Variants in GALNT18 observed in about 807,000 individuals in gnomAD.
GALNT18 encodes the protein polypeptide N-acetylgalactosaminyltransferase 18.
A neutral mutation model predicts 69.5 loss-of-function variants in GALNT18; 44 were observed. The ratio of observed to expected loss-of-function variants is 0.63; its 90% CI spans 0.50 to 0.81. The LOEUF is 0.81. Among genes scored for constraint, GALNT18 ranks in the 40% least tolerant of loss-of-function variants. The probability of loss-of-function intolerance (pLI) is 0.00; values close to 1 mark genes in which losing one functional copy is unlikely to be tolerated. For synonymous variants in GALNT18, 364 were observed against 318.2 expected (o/e 1.14, Z -1.53); for missense variants, 715 against 810.0 (o/e 0.88, Z 1.42).
At chr11:11,353,413 T>C (rs1003416293) in intron 6 of GALNT18, 2 of 523,670 alleles carry the variant, frequency 3.8e-6, no homozygotes, top group Non-Finnish European at 6.8e-6. Context: ...GAGCCCTTTT[T>C]GGGGGTTAAG....
At chr11:11,473,201 A>G (rs980800513) in intron 1 of GALNT18, among the ~76,000 whole-genome samples, 3 of 152,202 alleles carry the variant, frequency 2.0e-5, no homozygotes, top group African/African-American at 7.2e-5. Flanking sequence ...AAGTAAAATT[A>G]AATAGAATTC....
Position 11,538,846 on chromosome 11 carries a change from C to A in GALNT18, c.235+82513G>T, listed in dbSNP as rs1192093646. On this transcript the variant is annotated intron_variant, in intron 1 of 10. Coordinates refer to ENST00000227756, the MANE Select transcript of GALNT18 (RefSeq NM_198516.3). This position sits in a 1 kb window ranked among gnomAD's most constrained non-coding sequence, Gnocchi z 5.2. ...CCTTTAACTTCATGGCTGTGGTTCCCATCTGCACAGCACTGCCTGGCCTCC... is the reference window on the plus strand; with the variant it reads ...CCTTTAACTTCATGGCTGTGGTTCCAATCTGCACAGCACTGCCTGGCCTCC... Among the ~76,000 whole-genome samples, 2 of 152,150 alleles carry A rather than the reference C, an allele frequency of 1.3e-5. No individual in the cohort carries two copies. Among genetic ancestry groups the A allele is most frequent in the Non-Finnish European group, 2.9e-5 (2 of 68,034 alleles).
At chr11:11,471,493 C>T (rs1450986577) in intron 1 of GALNT18, among the ~76,000 whole-genome samples, 1 of 152,092 alleles carries the variant, frequency 6.6e-6, no homozygotes, top group Non-Finnish European at 1.5e-5. Flanking sequence ...GGTGGCAATG[C>T]AAATTGCAGG....
At position 11,553,483 on chromosome 11, in the gene GALNT18, C is replaced by G. The variant is rs532105947; in HGVS notation, c.235+67876G>C. On this transcript the variant is annotated intron_variant, in intron 1 of 10. Coordinates refer to ENST00000227756, the MANE Select transcript of GALNT18 (RefSeq NM_198516.3). ...GACGGGACCCAGGCCTCTGTCACCC[C>G]CTCCCTGCCTGCCTCTCCCAGAGTT... Among the ~76,000 whole-genome samples the G allele has an allele frequency of 8.8e-4, 134 of 152,340 alleles. 1 individual carries two copies. Among genetic ancestry groups the G allele is most frequent in the African/African-American group, 3.0e-3 (125 of 41,592 alleles).
rs575575335 is a variant in GALNT18, at chr11:11,480,263, TC to T, written c.236-31328del. Among the ~76,000 whole-genome samples the T allele has an allele frequency of 5.9e-3, 899 of 152,170 alleles. 9 individuals carry two copies. The highest frequency in any genetic ancestry group is 0.021 in the African/African-American group (859 of 41,512). ...TTCTTCCTTCCTTCCTCTCTCTCTC[TC>T]TTTCTCTCTCTCTCGCCCCCCTCGC... On this transcript the variant is annotated intron_variant, in intron 1 of 10. Transcript: ENST00000227756. This position sits in a 1 kb window ranked among gnomAD's most constrained non-coding sequence, Gnocchi z 4.6.
intron 3 of GALNT18, among the ~76,000 whole-genome samples, chr11:11,425,923 G>A (rs1003790717): frequency 2.0e-5 from 3 of 152,258 alleles, no homozygotes; most frequent in Admixed American, 6.5e-5. Flanking sequence ...CTGGAAGTCT[G>A]TAGAGGTTGA....
chr11:11,607,759 A>G (rs1408104470), intron 1 of GALNT18, among the ~76,000 whole-genome samples: 1 of 152,170 alleles, frequency 6.6e-6, no homozygotes, highest in African/African-American at 2.4e-5. Flanking sequence ...GTTAGAAGAG[A>G]GGGAAAAATC....
rs1858831980 is a variant in GALNT18 at position 11,573,182 on chromosome 11, G to A, written c.235+48177C>T. Reference sequence around the variant, plus strand: ...ACTACAGCGCCCCTCCAGAGAGCATGTTCATGTTCATTATGGTGGGCGGCC... The same window carrying A: ...ACTACAGCGCCCCTCCAGAGAGCATATTCATGTTCATTATGGTGGGCGGCC... On this transcript the variant is annotated intron_variant, in intron 1 of 10. Coordinates refer to ENST00000227756, the MANE Select transcript of GALNT18 (RefSeq NM_198516.3). The surrounding 1 kb of genome is among the most constrained non-coding windows in gnomAD (Gnocchi z 4.6). Among the ~76,000 whole-genome samples, 1 of 152,194 alleles carries A rather than the reference G, an allele frequency of 6.6e-6. No homozygotes were observed. Among genetic ancestry groups the A allele is most frequent in the Non-Finnish European group, 1.5e-5 (1 of 68,044 alleles).
chr11:11,397,436 C>T (rs1854360046), intron 3 of GALNT18, among the ~76,000 whole-genome samples: 2 of 152,060 alleles, frequency 1.3e-5, no homozygotes, highest in African/African-American at 4.8e-5. Context: ...AGGGAGGAAA[C>T]CCAGAATAAT....
At position 11,538,356 on chromosome 11, in the gene GALNT18, G is replaced by A. The variant is rs1857830984; in HGVS notation, c.235+83003C>T. On this transcript the variant is annotated intron_variant, in intron 1 of 10. Coordinates refer to ENST00000227756, the MANE Select transcript of GALNT18 (RefSeq NM_198516.3). This position sits in a 1 kb window ranked among gnomAD's most constrained non-coding sequence, Gnocchi z 5.2. ...TTTACTTGGCAGGGAGCAGCTGGAG[G>A]AGGGCTGCTCTTTCTGCCGCATGTT... Among the ~76,000 whole-genome samples, 2 of 152,120 alleles carry A rather than the reference G, an allele frequency of 1.3e-5. No homozygotes were observed. Among genetic ancestry groups the A allele is most frequent in the South Asian group, 4.1e-4 (2 of 4,824 alleles).
At chr11:11,452,402 C>G (rs1855821685) in intron 1 of GALNT18, among the ~76,000 whole-genome samples, 1 of 152,214 alleles carries the variant, frequency 6.6e-6, no homozygotes, top group African/African-American at 2.4e-5. Flanking sequence ...GGCACGGTGC[C>G]TGGCACATAG....
At chr11:11,352,252 G>A in intron 6 of GALNT18, 1 of 1,614,086 alleles carries the variant, frequency 6.2e-7, no homozygotes, top group Non-Finnish European at 8.5e-7. Context: ...ACAAGGTGCT[G>A]ATTTTCACTG....
chr11:11,552,789 C>T (rs1858230486), intron 1 of GALNT18, among the ~76,000 whole-genome samples: 1 of 152,154 alleles, frequency 6.6e-6, no homozygotes, highest in South Asian at 2.1e-4. Context: ...CTAGCTTCTG[C>T]ATGGTTCTGT....
rs1856945810 is a variant in GALNT18, at chr11:11,500,173, T to C, written c.236-51237A>G. On this transcript the variant is annotated intron_variant, in intron 1 of 10. Transcript: ENST00000227756. The surrounding 1 kb of genome is among the most constrained non-coding windows in gnomAD (Gnocchi z 5.0). Reference sequence around the variant, plus strand: ...TCAAATAGGATCTCAAAGCAAGTGATAAGGAAATAGGAGCCTATAGGGAGA... The same window carrying C: ...TCAAATAGGATCTCAAAGCAAGTGACAAGGAAATAGGAGCCTATAGGGAGA... 6.6e-6 allele frequency among the ~76,000 whole-genome samples: 1 copy of C among 152,152 alleles called. No homozygotes were observed. Among genetic ancestry groups the C allele is most frequent in the Admixed American group, 6.5e-5 (1 of 15,282 alleles).
intron 1 of GALNT18, among the ~76,000 whole-genome samples, chr11:11,485,273 C>A (rs1411718614): frequency 1.3e-5 from 2 of 152,224 alleles, no homozygotes; most frequent in Non-Finnish European, 2.9e-5. Flanking sequence ...ACTGCCTCCA[C>A]TTCAGATGCT....
chr11:11,307,133 A>G (rs7104857), intron 9 of GALNT18, among the ~76,000 whole-genome samples: 99,293 of 151,922 alleles, frequency 0.65, 33,069 homozygotes, highest in Admixed American at 0.78. Flanking sequence ...GCAGAAGATA[A>G]GGCCAGTCTA....
At chr11:11,489,413 T>C (rs1856714949) in intron 1 of GALNT18, among the ~76,000 whole-genome samples, 2 of 152,110 alleles carry the variant, frequency 1.3e-5, no homozygotes, top group South Asian at 2.1e-4. Flanking sequence ...CTCCCTGAGA[T>C]AATAGTGTGA....
chr11:11,385,870 A>G (rs1289646847), intron 3 of GALNT18, among the ~76,000 whole-genome samples: 1 of 152,148 alleles, frequency 6.6e-6, no homozygotes, highest in African/African-American at 2.4e-5. Context: ...ATCATACTGG[A>G]GTGGGATAGG....
chr11:11,293,282 A>G (rs1025724833), intron 9 of GALNT18, 89 bp from the exon 10 acceptor site: 1 of 1,134,708 alleles, frequency 8.8e-7, no homozygotes, highest in Non-Finnish European at 1.1e-6. Flanking sequence ...GGCAGCTGGC[A>G]GAGAGGCCAC....
Sources: gnomAD v4.1 joint callset for allele counts (sites outside exome capture counted in the v4.1 genomes callset) on GRCh38, gnomAD v4.1.1 for gene constraint, Gnocchi (gnomAD v3.1) non-coding constraint, MANE v1.5 for transcripts, NCBI Gene and HGNC (gene_info 2026-07-23, HGNC 2026-07-21) for gene names.